SEPTIN8: variants seen among roughly 807,000 people sequenced by gnomAD.
SEPTIN8 encodes septin 8.
SEPTIN8 carries 22 observed loss-of-function variants against 53.1 expected under a neutral mutation model. The ratio of observed to expected loss-of-function variants is 0.41; its 90% CI spans 0.30 to 0.59. SEPTIN8 has a LOEUF of 0.59. Ranked by LOEUF, SEPTIN8 falls within the 20% of genes least tolerant of loss-of-function variation. The pLI is 0.24. For missense variants in SEPTIN8, 536 were observed against 638.7 expected (o/e 0.84, Z 1.73); for synonymous variants, 228 against 248.4 (o/e 0.92, Z 0.77).
At position 132,751,198 on chromosome 5, in the gene SEPTIN8, C is replaced by G; in HGVS notation, c.*818G>C. The G allele has an allele frequency of 4.1e-6, 2 of 493,708 alleles. No individual in the cohort carries two copies. Among genetic ancestry groups the G allele is most frequent in the Non-Finnish European group, 6.9e-6 (2 of 288,494 alleles). 30.6% of individuals were successfully genotyped at this position (493,708 alleles called of 1,614,324 possible). A position where few individuals can be genotyped will look rare whatever the true frequency, so the allele number is the denominator to read the frequency against. On this transcript the variant is annotated 3_prime_UTR_variant, in exon 10 of 10. Transcript: ENST00000378719. ...ACACAGTTCCACCAGACTCCCACTT[C>G]TAAAGGACATTAAATTAACTTTACA... is the stretch of plus-strand genomic sequence containing the variant.
Position 132,752,141 on chromosome 5 carries a change from A to G in SEPTIN8, c.1327T>C (p.Ser443Pro), listed in dbSNP as rs918702721. Reference protein sequence around the residue: ...IGAHQPGMSLSSSKVMMTKAS... With the variant: ...IGAHQPGMSLPSSKVMMTKAS... ...TTGGTCATCATCACCTTAGAGCTGG[A>G]GAGGCTCATGCCCGGCTGGTGTGCT... The change falls in exon 10 of 10, where the codon TCC (serine) becomes CCC (proline). Residue 443 changes from serine (S) to proline (P), a missense_variant. Coordinates refer to ENST00000378719, the MANE Select transcript of SEPTIN8 (RefSeq NM_001098811.2). The G allele has an allele frequency of 6.3e-6, 10 of 1,597,638 alleles. No individual in the cohort carries two copies. Among genetic ancestry groups the G allele is most frequent in the Non-Finnish European group, 8.5e-6 (10 of 1,171,484 alleles).
chr5:132,757,713 T>G (rs574275887), intron 9 of SEPTIN8: 1 of 985,360 alleles, frequency 1.0e-6, no homozygotes, highest in Admixed American at 6.1e-5. Context: ...ACTGACATTC[T>G]TGGTGGCTTG....
Position 132,777,144 on chromosome 5 carries a change from CTCCGCACCGGGCGGGT to C in SEPTIN8, c.-23_-8del. 8.6e-7 allele frequency: 1 copy of C among 1,166,330 alleles called. No homozygotes were observed. Among genetic ancestry groups the C allele is most frequent in the Non-Finnish European group, 1.1e-6 (1 of 945,566 alleles). The allele number at this position is 1,166,330 out of a possible 1,614,324, so 72.2% of individuals were successfully genotyped here. On this transcript the variant is annotated 5_prime_UTR_variant, in exon 1 of 10. Transcript: ENST00000378719. This position sits in a 1 kb window ranked among gnomAD's most constrained non-coding sequence, Gnocchi z 4.1. ...CCAGGTCGGTGGCCGCCATGGCGAG[CTCCGCACCGGGCGGGT>C]GGGCTGGGACGAGCGCAGGGGCAGC...
At chr5:132,777,538 A>C (rs1184434222), upstream of SEPTIN8, 2 of 957,210 alleles carry the variant, frequency 2.1e-6, no homozygotes, top group Non-Finnish European at 2.5e-6. The surrounding 1 kb of genome is among the most constrained non-coding windows in gnomAD (Gnocchi z 4.1). Flanking sequence ...GGCCGAGCCT[A>C]GGTGAGAGTC....
intron 1 of SEPTIN8, 37 bp from the exon 2 acceptor site, chr5:132,765,566 T>C (rs1756498035): frequency 6.5e-7 from 1 of 1,542,366 alleles, no homozygotes; most frequent in African/African-American, 1.4e-5. Context: ...ATGAGCCCAC[T>C]GGGGAAGAAA....
At chr5:132,753,040 C>T in intron 9 of SEPTIN8, 1 of 1,255,660 alleles carries the variant, frequency 8.0e-7, no homozygotes, top group African/African-American at 1.5e-5. Flanking sequence ...ACCATGAGTT[C>T]TTTGGCTTGT....
intron 9 of SEPTIN8, chr5:132,758,348 G>A: frequency 7.1e-7 from 1 of 1,402,516 alleles, no homozygotes; most frequent in African/African-American, 1.4e-5. Flanking sequence ...AAATTAAGCT[G>A]TAGGTTAGAA....
chr5:132,772,383 T>C (rs1355155825), intron 1 of SEPTIN8, among the ~76,000 whole-genome samples: 1 of 152,222 alleles, frequency 6.6e-6, no homozygotes, highest in Non-Finnish European at 1.5e-5. Context: ...GCCTTTATTG[T>C]GCTGCCTGAG....
chr5:132,752,272 AC>A, intron 9 of SEPTIN8, 91 bp from the exon 10 acceptor site: 1 of 1,434,172 alleles, frequency 7.0e-7, no homozygotes, highest in Non-Finnish European at 9.4e-7. Flanking sequence ...CCAAAGGGGT[AC>A]CCTTTGCCCT....
At position 132,751,678 on chromosome 5, in the gene SEPTIN8, T is replaced by C. The variant is rs1754852683; in HGVS notation, c.*338A>G. ...TCTGCTACCTTGGTCTTGAATAGTATGTTTCTATTTTTCAGAATGGAAACA... is the reference window on the plus strand; with the variant it reads ...TCTGCTACCTTGGTCTTGAATAGTACGTTTCTATTTTTCAGAATGGAAACA... On this transcript the variant is annotated 3_prime_UTR_variant, in exon 10 of 10. Coordinates refer to ENST00000378719, the MANE Select transcript of SEPTIN8 (RefSeq NM_001098811.2). 1.9e-6 allele frequency: 1 copy of C among 524,588 alleles called. No individual in the cohort carries two copies. The highest frequency in any genetic ancestry group is 1.9e-5 in the African/African-American group (1 of 51,802). 32.5% of individuals were successfully genotyped at this position (524,588 alleles called of 1,614,324 possible).
rs1303594606 is a variant in SEPTIN8, at chr5:132,751,998, T to C, written c.*18A>G. 28 of 1,612,126 alleles carry C rather than the reference T, an allele frequency of 1.7e-5. No homozygotes were observed. Among genetic ancestry groups the C allele is most frequent in the Middle Eastern group, 1.6e-4 (1 of 6,076 alleles). On this transcript the variant is annotated 3_prime_UTR_variant, in exon 10 of 10. Transcript: ENST00000378719. The stretch of plus-strand genomic sequence containing the variant: ...CCCTGGTGGTCCTGAGCTGGCCCCA[T>C]GTGTTGGAGCTGCTGCCTCAGAGGA...
At chr5:132,777,991 TCCA>T (rs1757941766), upstream of SEPTIN8, 1 of 985,326 alleles carries the variant, frequency 1.0e-6, no homozygotes, top group East Asian at 1.1e-4. This position sits in a 1 kb window ranked among gnomAD's most constrained non-coding sequence, Gnocchi z 4.1. Context: ...TCTTAATGGT[TCCA>T]CCATTGTGCA....
In SEPTIN8 at chr5:132,758,828, A is replaced by C. The variant is rs766500352; in HGVS notation, c.1286+1974T>G. The C allele has an allele frequency of 1.2e-5, 19 of 1,612,542 alleles. 2 individuals carry two copies. In the South Asian group the frequency reaches 2.1e-4, roughly 18 times the overall value. The stretch of plus-strand genomic sequence containing the variant: ...TGTAAGTCTGTGCGTGCGTTAACTG[A>C]AAAATAAAAATAAAACAAACAAAAC... On this transcript the variant is annotated intron_variant, in intron 9 of 9. Coordinates refer to ENST00000378719, the MANE Select transcript of SEPTIN8 (RefSeq NM_001098811.2).
At position 132,751,783 on chromosome 5, in the gene SEPTIN8, C is replaced by A; in HGVS notation, c.*233G>T. The A allele has an allele frequency of 1.5e-6, 1 of 688,542 alleles. No homozygotes were observed. Among genetic ancestry groups the A allele is most frequent in the Non-Finnish European group, 2.3e-6 (1 of 426,278 alleles). The allele number at this position is 688,542 out of a possible 1,614,324, so 42.7% of individuals were successfully genotyped here. A position where few individuals can be genotyped will look rare whatever the true frequency, so the allele number is the denominator to read the frequency against. ...TTTTTTTTTGGTCCCGGAGTGGAAG[C>A]TCAGCTTGGCCACAGGATGGGCATT... is the stretch of plus-strand genomic sequence containing the variant. On this transcript the variant is annotated 3_prime_UTR_variant, in exon 10 of 10. Transcript: ENST00000378719.
chr5:132,751,974 C>T lies in SEPTIN8; in HGVS notation c.*42G>A. On this transcript the variant is annotated 3_prime_UTR_variant, in exon 10 of 10. Transcript: ENST00000378719. ...AAAACCATGGTCTCCAGTTCCATGC[C>T]CTGGTGGTCCTGAGCTGGCCCCATG... is the stretch of plus-strand genomic sequence containing the variant. 1 of 1,610,640 alleles carries T rather than the reference C, an allele frequency of 6.2e-7. No homozygotes were observed. The highest frequency in any genetic ancestry group is 8.5e-7 in the Non-Finnish European group (1 of 1,178,648).
intron 9 of SEPTIN8, chr5:132,757,525 A>G: frequency 9.1e-6 from 9 of 985,570 alleles, no homozygotes; most frequent in Non-Finnish European, 1.1e-5. Flanking sequence ...ACAATAAATT[A>G]GCACGTCTTC....
At chr5:132,763,388 G>A (rs767066123) in intron 4 of SEPTIN8, among the ~76,000 whole-genome samples, 19 of 152,216 alleles carry the variant, frequency 1.2e-4, no homozygotes, top group Non-Finnish European at 2.2e-4. Flanking sequence ...GAGATGGGAA[G>A]GGAGGTTCCC....
intron 1 of SEPTIN8, among the ~76,000 whole-genome samples, chr5:132,767,943 C>CCCCA (rs1554114975): frequency 3.1e-5 from 4 of 127,908 alleles, no homozygotes; most frequent in Admixed American, 8.1e-5. Flanking sequence ...TGTCTGGAAA[C>CCCCA]CACACACACA....
intron 9 of SEPTIN8, chr5:132,757,080 G>A (rs943615301): frequency 2.0e-6 from 2 of 985,312 alleles, no homozygotes; most frequent in African/African-American, 3.5e-5. Context: ...TGAAGCATCA[G>A]TTTTCAATTG....
Sources: allele counts gnomAD v4.1 joint callset (sites outside exome capture counted in the v4.1 genomes callset), GRCh38; gene constraint gnomAD v4.1.1; non-coding constraint Gnocchi (gnomAD v3.1); transcripts MANE v1.5; gene names NCBI Gene and HGNC (gene_info 2026-07-23, HGNC 2026-07-21).